The following TMEM233 variants were observed in gnomAD, a reference collection of about 807,000 sequenced individuals.
TMEM233 encodes the protein transmembrane protein 233.
Under a neutral mutation model 11.2 loss-of-function variants are expected in TMEM233, and 6 were observed. That is an observed-to-expected ratio of 0.54 (90% CI 0.29 to 1.06). The LOEUF (loss-of-function observed/expected upper bound fraction) is 1.06. Among genes scored for constraint, TMEM233 ranks in the 50% least tolerant of loss-of-function variants. TMEM233 has a pLI of 0.08. For missense variants in TMEM233, 127 were observed against 144.7 expected (o/e 0.88, Z 0.63); for synonymous variants, 59 against 55.8 (o/e 1.06, Z -0.26).
intron 1 of TMEM233, among the ~76,000 whole-genome samples, chr12:119,626,711 A>G (rs180772561): frequency 9.1e-4 from 139 of 152,364 alleles, no homozygotes; most frequent in African/African-American, 3.3e-3. Context: ...GGAGAAGAAC[A>G]GTATCTGGCC....
chr12:119,626,299 C>G (rs965372224), intron 1 of TMEM233, among the ~76,000 whole-genome samples: 2 of 151,890 alleles, frequency 1.3e-5, no homozygotes, highest in African/African-American at 4.8e-5. Context: ...TGGTGAAACT[C>G]TCTCTGCTAA....
intron 1 of TMEM233, among the ~76,000 whole-genome samples, chr12:119,613,295 A>G (rs1293803839): frequency 6.6e-6 from 1 of 151,810 alleles, no homozygotes; most frequent in African/African-American, 2.4e-5. Context: ...AGAAATATAT[A>G]TTAAGGGAAT....
chr12:119,612,650 G>T (rs548980563), intron 1 of TMEM233, among the ~76,000 whole-genome samples: 1 of 151,140 alleles, frequency 6.6e-6, no homozygotes, highest in Admixed American at 6.6e-5. Context: ...TACTTGGGAG[G>T]CTGAGGCGGG....
chr12:119,640,494 G>A (rs559861617), intron 2 of TMEM233, among the ~76,000 whole-genome samples: 1 of 152,278 alleles, frequency 6.6e-6, no homozygotes, highest in African/African-American at 2.4e-5. Context: ...CCACATGTAA[G>A]ATAAAATAAG....
At chr12:119,648,748 G>GAATTAATT in the TMEM233 span, among the ~76,000 whole-genome samples, 70 of 152,098 alleles carry the variant, frequency 4.6e-4, no homozygotes, top group African/African-American at 1.6e-3. Flanking sequence ...TTTAATGAAT[G>GAATTAATT]AATGAATTAA....
chr12:119,644,402 C>T (rs1386351232), downstream of TMEM233, among the ~76,000 whole-genome samples: 1 of 151,808 alleles, frequency 6.6e-6, no homozygotes, highest in Non-Finnish European at 1.5e-5. Flanking sequence ...AAACAGCGTC[C>T]ATATTAAGCA....
chr12:119,644,704 C>T (rs1231696627), downstream of TMEM233, among the ~76,000 whole-genome samples: 1 of 146,574 alleles, frequency 6.8e-6, no homozygotes, highest in African/African-American at 2.8e-5. Context: ...GTCTCGAACT[C>T]CTGACCTCAG....
intron 1 of TMEM233, among the ~76,000 whole-genome samples, chr12:119,597,479 A>AAG (rs1954070891): frequency 1.3e-5 from 2 of 152,120 alleles, no homozygotes; most frequent in Non-Finnish European, 2.9e-5. Flanking sequence ...TAAAAAAAAA[A>AAG]AGAGCCAACA....
intron 1 of TMEM233, among the ~76,000 whole-genome samples, chr12:119,612,948 G>GT (rs1357160114): frequency 5.9e-5 from 9 of 151,648 alleles, no homozygotes; most frequent in Non-Finnish European, 1.3e-4. Context: ...GAAAACTAAG[G>GT]TTTTTTTTGT....
At position 119,641,441 on chromosome 12, in the gene TMEM233, C is replaced by T. The variant is rs1479458543; in HGVS notation, c.*736C>T. 1.3e-5 allele frequency: 2 copies of T among 152,092 alleles called. No homozygotes were observed. Among genetic ancestry groups the T allele is most frequent in the African/African-American group, 2.4e-5 (1 of 41,398 alleles). The allele number at this position is 152,092 out of a possible 1,614,324, so 9.4% of individuals were successfully genotyped here. A position where few individuals can be genotyped will look rare whatever the true frequency, so the allele number is the denominator to read the frequency against. ...TAGTGGCCAATTCTAGGTACATGAG[C>T]ACTTCCTGTATCCCAGTTTTGGGAA... On this transcript the variant is annotated 3_prime_UTR_variant, in exon 3 of 3. Transcript: ENST00000426426.
intron 2 of TMEM233, among the ~76,000 whole-genome samples, chr12:119,639,578 T>C (rs1464419650): frequency 4.0e-5 from 6 of 151,418 alleles, no homozygotes; most frequent in Admixed American, 2.6e-4. Flanking sequence ...GCCGAGATCA[T>C]GCCACTGCAC....
At chr12:119,623,553 CAA>C (rs57936432) in intron 1 of TMEM233, among the ~76,000 whole-genome samples, 465 of 135,656 alleles carry the variant, frequency 3.4e-3, no homozygotes, top group Admixed American at 6.1e-3. Flanking sequence ...ACCAAAAATA[CAA>C]AAAAAAAAAA....
intron 2 of TMEM233, among the ~76,000 whole-genome samples, chr12:119,635,982 C>T (rs1778753545): frequency 1.3e-5 from 2 of 152,174 alleles, no homozygotes; most frequent in African/African-American, 4.8e-5. Flanking sequence ...CCTCTCCCAA[C>T]CCTGTCCTTT....
downstream of TMEM233, among the ~76,000 whole-genome samples, chr12:119,644,737 C>T (rs1414742857): frequency 6.6e-6 from 1 of 152,178 alleles, no homozygotes; most frequent in Non-Finnish European, 1.5e-5. Context: ...CCTCGGCCTC[C>T]CAAAGTGCTG....
At chr12:119,614,123 C>T (rs1023412713) in intron 1 of TMEM233, among the ~76,000 whole-genome samples, 2 of 151,990 alleles carry the variant, frequency 1.3e-5, no homozygotes, top group South Asian at 2.1e-4. Context: ...GCACAATGTT[C>T]GAATCCCATC....
At chr12:119,602,462 T>G (rs7954674) in intron 1 of TMEM233, among the ~76,000 whole-genome samples, 115,962 of 152,124 alleles carry the variant, frequency 0.76, 44,318 homozygotes, top group Middle Eastern at 0.86. Context: ...ATTATTTCTT[T>G]TGAATTTCTT....
intron 1 of TMEM233, among the ~76,000 whole-genome samples, chr12:119,623,215 C>T (rs1420730800): frequency 6.6e-6 from 1 of 152,112 alleles, no homozygotes; most frequent in Non-Finnish European, 1.5e-5. Flanking sequence ...GTTTTTTCAT[C>T]CAAACAGCCA....
chr12:119,597,126 A>G (rs1479368077), intron 1 of TMEM233, among the ~76,000 whole-genome samples: 1 of 152,240 alleles, frequency 6.6e-6, no homozygotes, highest in Non-Finnish European at 1.5e-5. Flanking sequence ...ACAAAGAGGA[A>G]GAGGAAGGAT....
At chr12:119,614,726 C>T (rs533397336) in intron 1 of TMEM233, among the ~76,000 whole-genome samples, 71 of 152,210 alleles carry the variant, frequency 4.7e-4, no homozygotes, top group South Asian at 8.3e-4. Flanking sequence ...GTTGGTGTCC[C>T]ACTCTCTGAG....
Sources: gnomAD v4.1 joint callset for allele counts (sites outside exome capture counted in the v4.1 genomes callset) on GRCh38, gnomAD v4.1.1 for gene constraint, MANE v1.5 for transcripts, NCBI Gene and HGNC (gene_info 2026-07-23, HGNC 2026-07-21) for gene names.